WNK1: variants seen among roughly 807,000 people sequenced by gnomAD.
WNK1 encodes the protein WNK lysine deficient protein kinase 1.
In WNK1, 38 loss-of-function variants were observed where a neutral mutation model predicts 222.8. The observed-to-expected ratio is 0.17, with a 90% CI of 0.13 to 0.22. The LOEUF (loss-of-function observed/expected upper bound fraction) is 0.22, where lower values mean the gene tolerates loss of function less well. Among genes scored for constraint, WNK1 ranks in the 10% least tolerant of loss-of-function variants. WNK1 has a pLI of 1.00. For missense variants in WNK1, 2,348 were observed against 2,918.4 expected (o/e 0.80, Z 4.50); for synonymous variants, 1,090 against 1,092.9 (o/e 1.00, Z 0.05).
At chr12:847,591 T>TG (rs1455156669) in intron 4 of WNK1, among the ~76,000 whole-genome samples, 2 of 152,142 alleles carry the variant, frequency 1.3e-5, no homozygotes, top group African/African-American at 4.8e-5. Context: ...CACAATAACA[T>TG]GGACCAGAAA....
At chr12:878,507 C>T (rs1592142335) in intron 10 of WNK1, 146 bp downstream of exon 10, 2 of 888,580 alleles carry the variant, frequency 2.3e-6, no homozygotes, top group Non-Finnish European at 3.4e-6. Flanking sequence ...AGGTTAATCT[C>T]ATTGCAGAAA....
intron 1 of WNK1, among the ~76,000 whole-genome samples, chr12:811,235 T>G (rs1591809871): frequency 6.6e-6 from 1 of 152,326 alleles, no homozygotes; most frequent in South Asian, 2.1e-4. Flanking sequence ...TGATTGACAG[T>G]TGGTAATATT....
chr12:814,321 CAAA>C (rs71439363), intron 2 of WNK1, among the ~76,000 whole-genome samples: 6 of 91,986 alleles, frequency 6.5e-5, no homozygotes. Context: ...ACTCTGTCTC[CAAA>C]AAAAAAAAAA....
At chr12:826,378 CA>C (rs1159050184) in intron 2 of WNK1, among the ~76,000 whole-genome samples, 4 of 152,178 alleles carry the variant, frequency 2.6e-5, no homozygotes, top group African/African-American at 9.7e-5. Context: ...GTGGTCATTC[CA>C]AACTCAGTCG....
In WNK1 at chr12:883,893, T is replaced by C; in HGVS notation, c.3721+62T>C. 3 of 1,591,620 alleles carry C rather than the reference T, an allele frequency of 1.9e-6. No individual in the cohort carries two copies. In the South Asian group the frequency reaches 3.3e-5, roughly 18 times the overall value. On this transcript the variant is annotated intron_variant, in intron 17 of 27. Transcript: ENST00000315939. ...TTAAGAAGCCATTAGCCGAGGGTGG[T>C]GGCAGGCTTCTGTAGTCCCAGCTAC...
At chr12:855,383 A>C (rs1259331322) in intron 4 of WNK1, among the ~76,000 whole-genome samples, 1 of 152,196 alleles carries the variant, frequency 6.6e-6, no homozygotes, top group African/African-American at 2.4e-5. Flanking sequence ...GAATTCTCCA[A>C]ATTGGGTCTT....
At chr12:837,510 G>A (rs547772840) in intron 4 of WNK1, among the ~76,000 whole-genome samples, 2 of 150,830 alleles carry the variant, frequency 1.3e-5, no homozygotes, top group East Asian at 3.9e-4. Context: ...GGAGGCAGAG[G>A]TTGCAGTGAG....
In WNK1 at chr12:895,788, A is replaced by G. The variant is rs762043629; in HGVS notation, c.5584-283A>G. Among the ~76,000 whole-genome samples, 8 of 152,298 alleles carry G rather than the reference A, an allele frequency of 5.3e-5. No individual in the cohort carries two copies. The East Asian group carries it at 1.4e-3, about 26-fold the overall frequency. On this transcript the variant is annotated intron_variant, in intron 23 of 27. Coordinates refer to ENST00000315939, the MANE Select transcript of WNK1 (RefSeq NM_018979.4). ...CCTTTTGTTATGTATATGTTGACTA[A>G]GACATAAATCTGAATTCTGTGTATG...
At chr12:847,414 C>T (rs1950098699) in intron 4 of WNK1, among the ~76,000 whole-genome samples, 1 of 152,090 alleles carries the variant, frequency 6.6e-6, no homozygotes, top group Non-Finnish European at 1.5e-5. Context: ...GCATAAGACT[C>T]AGTTGACTGA....
chr12:858,028 C>A (rs545730183), intron 5 of WNK1, among the ~76,000 whole-genome samples: 15 of 152,200 alleles, frequency 9.9e-5, no homozygotes, highest in Non-Finnish European at 1.5e-4. Context: ...TTCACCTCTC[C>A]AGTCTCGTTC....
intron 5 of WNK1, among the ~76,000 whole-genome samples, chr12:857,921 C>T (rs946394178): frequency 6.6e-6 from 1 of 152,174 alleles, no homozygotes; most frequent in African/African-American, 2.4e-5. Context: ...AAAAAGGAGA[C>T]CAGCTAGTAC....
chr12:796,072 C>T (rs982764923), intron 1 of WNK1, among the ~76,000 whole-genome samples: 2 of 152,116 alleles, frequency 1.3e-5, no homozygotes, highest in African/African-American at 4.8e-5. Flanking sequence ...CAGGGTTTCA[C>T]CATGTTGTCC....
At chr12:785,409 C>T (rs1406055041) in intron 1 of WNK1, among the ~76,000 whole-genome samples, 1 of 106,104 alleles carries the variant, frequency 9.4e-6, no homozygotes, top group Non-Finnish European at 2.2e-5. Context: ...CCCCCCCCCC[C>T]ACCCCCTCGA....
At position 884,027 on chromosome 12, in the gene WNK1, C is replaced by CA. The variant is rs1953429791; in HGVS notation, c.3722-87dup. On this transcript the variant is annotated intron_variant, in intron 17 of 27. Transcript: ENST00000315939. The surrounding 1 kb of genome is among the most constrained non-coding windows in gnomAD (Gnocchi z 5.6). ...TGGGTGAGAGAATGAGACCGTGCCT[C>CA]AAAAAAAGCAGTTGTATGTGCCAAT... The CA allele has an allele frequency of 1.9e-6, 3 of 1,582,150 alleles. No individual in the cohort carries two copies. Among genetic ancestry groups the CA allele is most frequent in the Admixed American group, 1.7e-5 (1 of 59,120 alleles).
chr12:855,036 C>T (rs973026650), intron 4 of WNK1, among the ~76,000 whole-genome samples: 1 of 152,198 alleles, frequency 6.6e-6, no homozygotes, highest in Non-Finnish European at 1.5e-5. Flanking sequence ...GGAGGGCCAA[C>T]TGTGCTCAGT....
At chr12:839,884 ATTT>A (rs781052888) in intron 4 of WNK1, among the ~76,000 whole-genome samples, 67 of 128,416 alleles carry the variant, frequency 5.2e-4, no homozygotes, top group Non-Finnish European at 9.1e-4. Context: ...TGCCTGGCTA[ATTT>A]TTTTTTTTTT....
At chr12:848,152 A>G (rs1031619968) in intron 4 of WNK1, among the ~76,000 whole-genome samples, 1 of 152,180 alleles carries the variant, frequency 6.6e-6, no homozygotes, top group Non-Finnish European at 1.5e-5. Context: ...CATTTCTGTT[A>G]TTTGAACAAG....
intron 1 of WNK1, among the ~76,000 whole-genome samples, chr12:774,042 T>G (rs1479113276): frequency 6.6e-6 from 1 of 152,190 alleles, no homozygotes; most frequent in Non-Finnish European, 1.5e-5. Context: ...CAAATCCCCC[T>G]CCCTCTAATC....
At chr12:841,845 G>A (rs1245328337) in intron 4 of WNK1, among the ~76,000 whole-genome samples, 1 of 152,140 alleles carries the variant, frequency 6.6e-6, no homozygotes, top group South Asian at 2.1e-4. Flanking sequence ...CCATTTCACG[G>A]TTCTGCCCTC....
Sources: gnomAD v4.1 joint callset for allele counts (sites outside exome capture counted in the v4.1 genomes callset) on GRCh38, gnomAD v4.1.1 for gene constraint, Gnocchi (gnomAD v3.1) non-coding constraint, MANE v1.5 for transcripts, NCBI Gene and HGNC (gene_info 2026-07-23, HGNC 2026-07-21) for gene names.